Variants in WDFY3 observed in about 807,000 individuals in gnomAD.
WDFY3 encodes the protein WD repeat and FYVE domain containing 3.
In WDFY3, 66 loss-of-function variants were observed where a neutral mutation model predicts 409.6. The ratio of observed to expected loss-of-function variants is 0.16; its 90% CI spans 0.13 to 0.20. The LOEUF (loss-of-function observed/expected upper bound fraction) is 0.20. WDFY3 is among the 10% of genes least tolerant of loss of function. The probability of loss-of-function intolerance (pLI) is 1.00; values close to 1 mark genes in which losing one functional copy is unlikely to be tolerated. For synonymous variants in WDFY3, 1,521 were observed against 1,537.1 expected, an observed-to-expected ratio of 0.99 and a Z score of 0.25; for missense variants, 3,031 against 4,298.1, an observed-to-expected ratio of 0.71 and a Z score of 8.24.
At chr4:84,902,932 C>T (rs1766535087) in intron 2 of WDFY3, among the ~76,000 whole-genome samples, 1 of 152,156 alleles carries the variant, frequency 6.6e-6, no homozygotes, top group African/African-American at 2.4e-5. Flanking sequence ...AGCTTCTAAC[C>T]AAGCACTTGT....
intron 56 of WDFY3, among the ~76,000 whole-genome samples, chr4:84,699,382 A>G (rs1406905087): frequency 2.6e-5 from 4 of 152,172 alleles, no homozygotes; most frequent in African/African-American, 9.6e-5. Context: ...TGTAGAGTTT[A>G]TTAGTGCCTC....
intron 1 of WDFY3, among the ~76,000 whole-genome samples, chr4:84,948,120 A>G (rs1001025646): frequency 6.6e-6 from 1 of 152,196 alleles, no homozygotes; most frequent in African/African-American, 2.4e-5. Context: ...TCTCATTTTA[A>G]GGTCAATTTA....
At chr4:84,891,934 T>C (rs1358338182) in intron 3 of WDFY3, among the ~76,000 whole-genome samples, 2 of 151,826 alleles carry the variant, frequency 1.3e-5, no homozygotes, top group Non-Finnish European at 2.9e-5. Flanking sequence ...ACATCAGTAA[T>C]AGTAGAACTA....
At chr4:84,748,725 A>G (rs552665721) in intron 36 of WDFY3, among the ~76,000 whole-genome samples, 2 of 152,192 alleles carry the variant, frequency 1.3e-5, no homozygotes, top group African/African-American at 4.8e-5. Context: ...ATAATTTTAC[A>G]TGTTCTTTTG....
At chr4:84,943,571 G>T (rs1246914212) in intron 1 of WDFY3, among the ~76,000 whole-genome samples, 1 of 152,132 alleles carries the variant, frequency 6.6e-6, no homozygotes, top group Non-Finnish European at 1.5e-5. Context: ...GACGGTTTAT[G>T]TTATCAGTAA....
intron 27 of WDFY3, among the ~76,000 whole-genome samples, 168 bp from the exon 28 acceptor site, chr4:84,775,306 CA>C (rs1199603111): frequency 6.6e-6 from 1 of 151,250 alleles, no homozygotes; most frequent in Non-Finnish European, 1.5e-5. Context: ...ATAAATTGGC[CA>C]AAAAAATGAC....
At position 84,735,802 on chromosome 4, in the gene WDFY3, T is replaced by C. The variant is rs561206951; in HGVS notation, c.6915+368A>G. On this transcript the variant is annotated intron_variant, in intron 42 of 67. Coordinates refer to ENST00000295888, the MANE Select transcript of WDFY3 (RefSeq NM_014991.6). ...AGGCAGATGAGCTTTTAAAAAACCA[T>C]AGGTATACACAACAAGATTGTAAAA... Among the ~76,000 whole-genome samples, 118 of 152,270 alleles carry C rather than the reference T, an allele frequency of 7.7e-4. 1 individual carries two copies. Among genetic ancestry groups the C allele is most frequent in the South Asian group, 2.1e-3 (10 of 4,818 alleles).
At chr4:84,877,623 C>A (rs1047586137) in intron 3 of WDFY3, among the ~76,000 whole-genome samples, 1 of 152,182 alleles carries the variant, frequency 6.6e-6, no homozygotes, top group Non-Finnish European at 1.5e-5. Context: ...ATCTCCCAGT[C>A]TGACAGATGC....
intron 32 of WDFY3, among the ~76,000 whole-genome samples, chr4:84,758,116 T>C (rs899824021): frequency 6.6e-5 from 10 of 152,242 alleles, no homozygotes; most frequent in Non-Finnish European, 4.4e-5. Flanking sequence ...GTTCACCTCA[T>C]ACCTAGGGAA....
chr4:84,688,761 G>A (rs892215369), intron 61 of WDFY3, among the ~76,000 whole-genome samples: 3 of 151,998 alleles, frequency 2.0e-5, no homozygotes, highest in African/African-American at 4.8e-5. Context: ...GCTGTAGCAC[G>A]TGGTCTACAA....
At chr4:84,729,818 T>C (rs1339030808) in intron 44 of WDFY3, among the ~76,000 whole-genome samples, 4 of 152,168 alleles carry the variant, frequency 2.6e-5, no homozygotes, top group Admixed American at 6.5e-5. Context: ...TGAGAAATAA[T>C]AATTATTTTA....
At chr4:84,825,040 A>G (rs1354330521) in intron 10 of WDFY3, among the ~76,000 whole-genome samples, 1 of 152,194 alleles carries the variant, frequency 6.6e-6, no homozygotes, top group African/African-American at 2.4e-5. Flanking sequence ...TTACTTTCAT[A>G]GACATTATGT....
intron 44 of WDFY3, among the ~76,000 whole-genome samples, chr4:84,728,674 G>T (rs1415842873): frequency 6.6e-6 from 1 of 152,040 alleles, no homozygotes; most frequent in African/African-American, 2.4e-5. Context: ...GGTCTACTAA[G>T]TATACCCTTA....
chr4:84,860,374 C>G (rs762681063), intron 4 of WDFY3, 38 bp downstream of exon 4: 11 of 1,566,112 alleles, frequency 7.0e-6, no homozygotes, highest in South Asian at 3.5e-5. Context: ...TAGTGCCCCC[C>G]AGTCCCGGAA....
chr4:84,801,282 A>G (rs921060828), intron 17 of WDFY3, among the ~76,000 whole-genome samples: 1 of 152,228 alleles, frequency 6.6e-6, no homozygotes, highest in African/African-American at 2.4e-5. Context: ...TCTTGGATCT[A>G]TATTCACAAC....
At chr4:84,926,349 CTG>C (rs1769993060) in intron 2 of WDFY3, among the ~76,000 whole-genome samples, 1 of 151,640 alleles carries the variant, frequency 6.6e-6, no homozygotes, top group Non-Finnish European at 1.5e-5. Context: ...GTTTCTAAGA[CTG>C]AAATTTTAAG....
intron 18 of WDFY3, 37 bp downstream of exon 18, chr4:84,797,959 C>A: frequency 1.3e-6 from 2 of 1,511,470 alleles, no homozygotes; most frequent in South Asian, 1.2e-5. Flanking sequence ...GATTTTCATT[C>A]ATAAAATAAA....
chr4:84,678,094 G>T (rs577345719), intron 66 of WDFY3, 74 bp downstream of exon 66: 27 of 1,061,862 alleles, frequency 2.5e-5, no homozygotes, highest in Middle Eastern at 2.3e-4. Context: ...CCAAAGACTG[G>T]GCTGGAGTAT....
intron 3 of WDFY3, among the ~76,000 whole-genome samples, chr4:84,895,071 C>T (rs1765457402): frequency 6.6e-6 from 1 of 151,722 alleles, no homozygotes; most frequent in African/African-American, 2.4e-5. Flanking sequence ...CTCAGGTTAG[C>T]TTTTATTAAA....
Sources: allele counts gnomAD v4.1 joint callset (sites outside exome capture counted in the v4.1 genomes callset), GRCh38; gene constraint gnomAD v4.1.1; transcripts MANE v1.5; gene names NCBI Gene and HGNC (gene_info 2026-07-23, HGNC 2026-07-21).